GPAT4: variants seen among roughly 807,000 people sequenced by gnomAD.
GPAT4 encodes the protein glycerol-3-phosphate acyltransferase 4.
Under a neutral mutation model 58.0 loss-of-function variants are expected in GPAT4, and 17 were observed. The observed-to-expected ratio is 0.29, with a 90% CI of 0.20 to 0.44. GPAT4 has a LOEUF of 0.44. Ranked by LOEUF, GPAT4 falls within the 20% of genes least tolerant of loss-of-function variation. GPAT4 has a pLI of 1.00. For missense variants in GPAT4, 377 were observed against 574.5 expected (o/e 0.66, Z 3.51); for synonymous variants, 204 against 210.1 (o/e 0.97, Z 0.25).
chr8:41,586,978 T>G (rs1367282348), intron 1 of GPAT4, among the ~76,000 whole-genome samples: 1 of 152,196 alleles, frequency 6.6e-6, no homozygotes, highest in Non-Finnish European at 1.5e-5. Flanking sequence ...GCATCCTGGG[T>G]GGAGAACCAG....
intron 1 of GPAT4, among the ~76,000 whole-genome samples, chr8:41,594,480 CTT>C (rs1041936780): frequency 3.3e-5 from 5 of 151,392 alleles, no homozygotes; most frequent in African/African-American, 4.9e-5. Context: ...TTTTTAATAA[CTT>C]CTTTTTCTCA....
At chr8:41,588,607 A>G (rs1802713878) in intron 1 of GPAT4, among the ~76,000 whole-genome samples, 3 of 151,958 alleles carry the variant, frequency 2.0e-5, no homozygotes, top group Non-Finnish European at 2.9e-5. Flanking sequence ...TTGAAATTAC[A>G]ACTTTTTGTG....
At chr8:41,615,768 G>A (rs576794552) in intron 10 of GPAT4, among the ~76,000 whole-genome samples, 47 of 152,286 alleles carry the variant, frequency 3.1e-4, no homozygotes, top group Admixed American at 1.8e-3. Flanking sequence ...CTGAGAGCTC[G>A]ATAAAATGGT....
intron 3 of GPAT4, 58 bp from the exon 4 acceptor site, chr8:41,609,593 CTGAG>C: frequency 6.2e-7 from 1 of 1,602,758 alleles, no homozygotes. Flanking sequence ...GATGTGTGCT[CTGAG>C]TATGTCTCAC....
chr8:41,604,832 G>A (rs1486379621), intron 2 of GPAT4, among the ~76,000 whole-genome samples: 1 of 152,206 alleles, frequency 6.6e-6, no homozygotes, highest in Admixed American at 6.5e-5. Flanking sequence ...GGGTCAGGCA[G>A]CTGTTACCTT....
intron 1 of GPAT4, among the ~76,000 whole-genome samples, chr8:41,581,217 C>A (rs561935618): frequency 1.1e-4 from 16 of 152,150 alleles, no homozygotes; most frequent in African/African-American, 3.9e-4. Context: ...TAGAAGGAGT[C>A]TTCCAAGTGC....
intron 5 of GPAT4, among the ~76,000 whole-genome samples, chr8:41,611,182 A>G (rs974042406): frequency 6.6e-6 from 1 of 152,202 alleles, no homozygotes; most frequent in Non-Finnish European, 1.5e-5. Flanking sequence ...CCAACATCAC[A>G]CCACTGCACT....
chr8:41,618,951 G>A lies in GPAT4; in HGVS notation c.1236G>A (p.Arg412=), dbSNP rs759845883. The A allele has an allele frequency of 1.9e-6, 3 of 1,614,226 alleles. No individual in the cohort carries two copies. The highest frequency in any genetic ancestry group is 2.2e-5 in the South Asian group (2 of 91,084). ...ATAGGGTGAAATCTGCCATTGCCAG[G>A]CAGGGAGGACTTGTGGACCTGCTGT... ...FANRVKSAIA[R]QGGLVDLLWD... is the part of the protein sequence containing the mutation. Residue 412 remains arginine (R), a synonymous_variant, in exon 12 of 13, where the codon AGG becomes AGA. Coordinates refer to ENST00000396987, the MANE Select transcript of GPAT4 (RefSeq NM_178819.4).
chr8:41,594,736 G>T (rs1355408703), intron 1 of GPAT4, among the ~76,000 whole-genome samples: 1 of 151,872 alleles, frequency 6.6e-6, no homozygotes, highest in Admixed American at 6.6e-5. Context: ...TAGTAGAGAC[G>T]GGGTTTCACC....
chr8:41,582,932 C>G (rs968272542), intron 1 of GPAT4, among the ~76,000 whole-genome samples: 1 of 151,908 alleles, frequency 6.6e-6, no homozygotes, highest in East Asian at 1.9e-4. Context: ...TTAAAATATA[C>G]AAGAAATTGG....
Position 41,624,465 on chromosome 8 carries a change from T to C in GPAT4, c.*3464T>C, listed in dbSNP as rs1238111450. 1.3e-5 allele frequency: 2 copies of C among 152,232 alleles called. No individual in the cohort carries two copies. The highest frequency in any genetic ancestry group is 2.1e-4 in the South Asian group (1 of 4,826). 9.4% of individuals were successfully genotyped at this position (152,232 alleles called of 1,614,324 possible). On this transcript the variant is annotated 3_prime_UTR_variant, in exon 13 of 13. Coordinates refer to ENST00000396987, the MANE Select transcript of GPAT4 (RefSeq NM_178819.4). ...CTTGATTTTCTGGGCTATTGCTTGC[T>C]AGTGTCCCCTGATGCATGAAGGATC...
intron 1 of GPAT4, among the ~76,000 whole-genome samples, chr8:41,584,386 A>T (rs1264592634): frequency 1.3e-5 from 2 of 152,182 alleles, no homozygotes; most frequent in Non-Finnish European, 2.9e-5. Context: ...TTTTATTTGT[A>T]ATAGCCTCAA....
At chr8:41,600,031 C>CTT (rs1563273268) in intron 2 of GPAT4, among the ~76,000 whole-genome samples, 2 of 75,402 alleles carry the variant, frequency 2.7e-5, no homozygotes, top group African/African-American at 1.1e-4. Context: ...TTATCTTTTT[C>CTT]TTTTCTTTTT....
chr8:41,601,824 A>G (rs985157840), intron 2 of GPAT4, among the ~76,000 whole-genome samples: 2 of 152,360 alleles, frequency 1.3e-5, no homozygotes, highest in East Asian at 3.9e-4. Context: ...ATGACTTTTA[A>G]TGTAGATTAT....
At chr8:41,608,005 CTCCATTTTAGGTATTATATT>C (rs1803331015) in intron 2 of GPAT4, among the ~76,000 whole-genome samples, 1 of 152,156 alleles carries the variant, frequency 6.6e-6, no homozygotes, top group African/African-American at 2.4e-5. Flanking sequence ...ATTTACCTTC[CTCCATTTTAGGTATTATATT>C]AACATTTTTA....
chr8:41,581,993 ATTTTTTTTTTTTTTTTT>A (rs71230849), intron 1 of GPAT4, among the ~76,000 whole-genome samples: 9 of 63,592 alleles, frequency 1.4e-4, no homozygotes, highest in African/African-American at 1.9e-4. Context: ...AAGTTCAATG[ATTTTTTTTTTTTTTTTT>A]TTTTTTTTTT....
chr8:41,612,214 G>A lies in GPAT4; in HGVS notation c.736G>A (p.Ala246Thr). ...NRPRNGGICV[A>T]NHTSPIDVII... ...ACCAAGAAATGGTGGCATCTGTGTG[G>A]CCAATCATACCTCACCGATCGATGT... is the stretch of plus-strand genomic sequence containing the variant. Residue 246 changes from alanine (A) to threonine (T), a missense_variant, in exon 7 of 13, where the codon GCC becomes ACC. Ala to Thr is a moderately conservative substitution (Grantham distance 58, BLOSUM62 0). Coordinates refer to ENST00000396987, the MANE Select transcript of GPAT4 (RefSeq NM_178819.4). 1 of 1,614,228 alleles carries A rather than the reference G, an allele frequency of 6.2e-7. No homozygotes were observed. The highest frequency in any genetic ancestry group is 8.5e-7 in the Non-Finnish European group (1 of 1,180,050).
chr8:41,614,842 TGTATCTTA>T, intron 9 of GPAT4, 113 bp from the exon 10 acceptor site: 2 of 765,996 alleles, frequency 2.6e-6, no homozygotes, highest in South Asian at 3.6e-5. Flanking sequence ...AGATGACAGA[TGTATCTTA>T]CTGGAGGAAC....
chr8:41,597,566 C>G (rs916113877), intron 1 of GPAT4, among the ~76,000 whole-genome samples: 2 of 152,076 alleles, frequency 1.3e-5, no homozygotes, highest in African/African-American at 4.8e-5. Flanking sequence ...AGGAATTTAC[C>G]CCGAAAATAT....
Sources: gnomAD v4.1 joint callset for allele counts (sites outside exome capture counted in the v4.1 genomes callset) on GRCh38, gnomAD v4.1.1 for gene constraint, MANE v1.5 for transcripts, NCBI Gene and HGNC (gene_info 2026-07-23, HGNC 2026-07-21) for gene names.